RPS6KA2: variants seen among roughly 807,000 people sequenced by gnomAD.
RPS6KA2 encodes ribosomal protein S6 kinase alpha-2.
Under a neutral mutation model 91.8 loss-of-function variants are expected in RPS6KA2, and 42 were observed. That is an observed-to-expected ratio of 0.46 (90% CI 0.36 to 0.59). The LOEUF (loss-of-function observed/expected upper bound fraction) is 0.59. Among genes scored for constraint, RPS6KA2 ranks in the 20% least tolerant of loss-of-function variants. The pLI is 0.00. For synonymous variants in RPS6KA2, 414 were observed against 393.6 expected (o/e 1.05, Z -0.61); for missense variants, 798 against 978.5 (o/e 0.82, Z 2.46).
At chr6:166,586,353 T>C in intron 1 of RPS6KA2, 2 of 1,599,574 alleles carry the variant, frequency 1.3e-6, no homozygotes, top group Non-Finnish European at 1.7e-6. Flanking sequence ...GCTATTCCAT[T>C]CCTCAACAAT....
At position 166,604,320 on chromosome 6, in the gene RPS6KA2, T is replaced by A. The variant is rs184845801; in HGVS notation, c.99+22601A>T. Among the ~76,000 whole-genome samples, 478 of 152,228 alleles carry A rather than the reference T, an allele frequency of 3.1e-3. 5 individuals carry two copies. The highest frequency in any genetic ancestry group is 0.015 in the South Asian group (74 of 4,822). On this transcript the variant is annotated intron_variant, in intron 1 of 20. Coordinates refer to ENST00000265678, the MANE Select transcript of RPS6KA2 (RefSeq NM_021135.6). ...AAAATGAGGAATGTCTTACTTTTTT[T>A]AAAAAACGTTTCCCCAAATAGGTTT...
intron 1 of RPS6KA2, chr6:166,586,461 T>G: frequency 1.3e-6 from 2 of 1,598,670 alleles, no homozygotes; most frequent in South Asian, 2.2e-5. Context: ...TGGAACAGCT[T>G]CGGCAGTGTC....
At chr6:166,862,008 C>A in intron 1 of RPS6KA2, 1 of 1,485,018 alleles carries the variant, frequency 6.7e-7, no homozygotes. Context: ...TCATAGTCAC[C>A]TAATGGACAT....
intron 14 of RPS6KA2, among the ~76,000 whole-genome samples, chr6:166,436,727 T>G (rs527853355): frequency 2.0e-5 from 3 of 152,166 alleles, no homozygotes; most frequent in East Asian, 3.9e-4. Flanking sequence ...GCGAGGAGGG[T>G]GGGTTTGCAT....
intron 10 of RPS6KA2, among the ~76,000 whole-genome samples, chr6:166,482,032 G>A (rs542586261): frequency 1.1e-4 from 16 of 150,634 alleles, no homozygotes; most frequent in African/African-American, 3.9e-4. Context: ...AGCTTGGAGA[G>A]CTCTGCTGAG....
chr6:166,600,480 CTTCCGAT>C, intron 1 of RPS6KA2, among the ~76,000 whole-genome samples: 1 of 152,258 alleles, frequency 6.6e-6, no homozygotes, highest in Non-Finnish European at 1.5e-5. Flanking sequence ...ATGTGATTTT[CTTCCGAT>C]CTAAATTCAC....
intron 10 of RPS6KA2, among the ~76,000 whole-genome samples, chr6:166,482,897 C>T (rs762656642): frequency 2.8e-4 from 42 of 152,296 alleles, no homozygotes; most frequent in South Asian, 6.2e-4. Flanking sequence ...GACGCCCTCA[C>T]CATAAAGCAA....
chr6:166,574,675 A>G (rs1249558268), intron 1 of RPS6KA2, among the ~76,000 whole-genome samples: 1 of 152,256 alleles, frequency 6.6e-6, no homozygotes, highest in Non-Finnish European at 1.5e-5. Context: ...ATATATACCC[A>G]GTAATGGAAT....
chr6:166,692,637 GA>G (rs1245621070), intron 2 of RPS6KA2, among the ~76,000 whole-genome samples: 7 of 151,882 alleles, frequency 4.6e-5, no homozygotes, highest in African/African-American at 7.3e-5. Flanking sequence ...AAGAAATAAG[GA>G]AAAAAAAGTT....
intron 1 of RPS6KA2, among the ~76,000 whole-genome samples, chr6:166,548,399 A>G (rs200665015): frequency 9.8e-5 from 15 of 152,324 alleles, no homozygotes; most frequent in East Asian, 5.8e-4. Flanking sequence ...CCCAATTTTG[A>G]AAAAACACTA....
chr6:166,593,528 C>T (rs1583309477), intron 1 of RPS6KA2, among the ~76,000 whole-genome samples: 1 of 151,966 alleles, frequency 6.6e-6, no homozygotes, highest in Non-Finnish European at 1.5e-5. Context: ...AGAATGGTAT[C>T]GATTTTTCTT....
At position 166,563,766 on chromosome 6, in the gene RPS6KA2, G is replaced by A. The variant is rs1243027498; in HGVS notation, c.100-24982C>T. Reference sequence around the variant, plus strand: ...CAGCTTTTATGGGCTGGACCTTTAGGGTATTGTTTGTAAGATGTATATGAT... The same window carrying A: ...CAGCTTTTATGGGCTGGACCTTTAGAGTATTGTTTGTAAGATGTATATGAT... On this transcript the variant is annotated intron_variant, in intron 1 of 20. Transcript: ENST00000265678. The surrounding 1 kb of genome is among the most constrained non-coding windows in gnomAD (Gnocchi z 4.1). 2.0e-5 allele frequency among the ~76,000 whole-genome samples: 3 copies of A among 152,086 alleles called. No individual in the cohort carries two copies. Among genetic ancestry groups the A allele is most frequent in the Admixed American group, 1.3e-4 (2 of 15,274 alleles).
intron 2 of RPS6KA2, among the ~76,000 whole-genome samples, chr6:166,689,116 C>A (rs1412940426): frequency 6.6e-6 from 1 of 152,248 alleles, no homozygotes; most frequent in South Asian, 2.1e-4. Context: ...GGGCTCTGGC[C>A]GCCCTGTGCC....
At chr6:166,844,919 T>C (rs1362211209) in intron 2 of RPS6KA2, among the ~76,000 whole-genome samples, 1 of 152,144 alleles carries the variant, frequency 6.6e-6, no homozygotes, top group South Asian at 2.1e-4. Flanking sequence ...ATGAAAAGAA[T>C]AGTACCTCAC....
At chr6:166,506,882 G>A (rs1396426058) in intron 5 of RPS6KA2, among the ~76,000 whole-genome samples, 3 of 152,126 alleles carry the variant, frequency 2.0e-5, no homozygotes, top group East Asian at 3.9e-4. Context: ...TCGTCAGAAC[G>A]GAAAGCCCGG....
At chr6:166,850,716 C>A (rs1046311433) in intron 2 of RPS6KA2, among the ~76,000 whole-genome samples, 1 of 152,150 alleles carries the variant, frequency 6.6e-6, no homozygotes, top group African/African-American at 2.4e-5. Flanking sequence ...CAGCGGGAAG[C>A]CAGGCTGCTT....
intron 19 of RPS6KA2, among the ~76,000 whole-genome samples, chr6:166,417,081 G>A (rs569203326): frequency 6.6e-6 from 1 of 152,284 alleles, no homozygotes; most frequent in Admixed American, 6.5e-5. Context: ...GATTAGAGAG[G>A]AATTTGATGA....
At position 166,554,987 on chromosome 6, in the gene RPS6KA2, C is replaced by T. The variant is rs566761836; in HGVS notation, c.100-16203G>A. Reference sequence around the variant, plus strand: ...AGCTAGAATACTGTTCAAGCGACAGCAGAAAACATCAGTTCCCTAAACCCA... The same window carrying T: ...AGCTAGAATACTGTTCAAGCGACAGTAGAAAACATCAGTTCCCTAAACCCA... On this transcript the variant is annotated intron_variant, in intron 1 of 20. Coordinates refer to ENST00000265678, the MANE Select transcript of RPS6KA2 (RefSeq NM_021135.6). The surrounding 1 kb of genome is among the most constrained non-coding windows in gnomAD (Gnocchi z 4.3). 6.6e-6 allele frequency among the ~76,000 whole-genome samples: 1 copy of T among 152,342 alleles called. No homozygotes were observed. Among genetic ancestry groups the T allele is most frequent in the East Asian group, 1.9e-4 (1 of 5,186 alleles).
intron 2 of RPS6KA2, among the ~76,000 whole-genome samples, chr6:166,771,120 G>A (rs1328219950): frequency 1.3e-5 from 2 of 152,172 alleles, no homozygotes; most frequent in African/African-American, 4.8e-5. Flanking sequence ...CAGAAGAAAG[G>A]AACTTGCGAC....
Sources: allele counts gnomAD v4.1 joint callset (sites outside exome capture counted in the v4.1 genomes callset), GRCh38; gene constraint gnomAD v4.1.1; non-coding constraint Gnocchi (gnomAD v3.1); transcripts MANE v1.5; gene names NCBI Gene and HGNC (gene_info 2026-07-23, HGNC 2026-07-21).